Variants in SH3TC1 observed in about 807,000 individuals in gnomAD.
SH3TC1 encodes SH3 domain and tetratricopeptide repeats 1.
In SH3TC1, 135 loss-of-function variants were observed where a neutral mutation model predicts 117.3. The observed-to-expected ratio is 1.15, with a 90% CI of 1.00 to 1.33. The LOEUF (loss-of-function observed/expected upper bound fraction) is 1.33, where lower values mean the gene tolerates loss of function less well. Among genes scored for constraint, SH3TC1 ranks in the 40% most tolerant of loss-of-function variants. The probability of loss-of-function intolerance (pLI) is 0.00; values close to 1 mark genes in which losing one functional copy is unlikely to be tolerated. For missense variants in SH3TC1, 2,092 were observed against 1,794.3 expected (o/e 1.17, Z -3.00); for synonymous variants, 898 against 816.9 (o/e 1.10, Z -1.69).
rs527421819 is a variant in SH3TC1, at chr4:8,237,800, C to T, written c.3753+130C>T. On this transcript the variant is annotated intron_variant, in intron 17 of 17. Transcript: ENST00000245105. The stretch of plus-strand genomic sequence containing the variant: ...AGTGGCCTCCCTGGAGCGCTGCGCC[C>T]GGCTGGAGGAGCTGGCAAGGTTAGC... The T allele has an allele frequency of 8.0e-5, 82 of 1,023,540 alleles. No individual in the cohort carries two copies. The East Asian group carries it at 2.1e-3, about 27-fold the overall frequency. The allele number at this position is 1,023,540 out of a possible 1,614,324, so 63.4% of individuals were successfully genotyped here. A position where few individuals can be genotyped will look rare whatever the true frequency, so the allele number is the denominator to read the frequency against.
chr4:8,196,855 C>A (rs1717569667), upstream of SH3TC1, among the ~76,000 whole-genome samples: 1 of 152,058 alleles, frequency 6.6e-6, no homozygotes, highest in Non-Finnish European at 1.5e-5. This position sits in a 1 kb window ranked among gnomAD's most constrained non-coding sequence, Gnocchi z 4.6. Flanking sequence ...AAGGAGGGGG[C>A]TGAGAGGACA....
At chr4:8,218,135 TGC>T in intron 7 of SH3TC1, 134 bp from the exon 8 acceptor site, 2 of 581,400 alleles carry the variant, frequency 3.4e-6, no homozygotes, top group Admixed American at 5.5e-5. Flanking sequence ...TGTGTGTGTG[TGC>T]ACGTGTGTGT....
In SH3TC1 at chr4:8,218,350, A is replaced by C; in HGVS notation, c.916+3A>C. 1 of 1,606,804 alleles carries C rather than the reference A, an allele frequency of 6.2e-7. No individual in the cohort carries two copies. Among genetic ancestry groups the C allele is most frequent in the Non-Finnish European group, 8.5e-7 (1 of 1,174,474 alleles). Reference sequence around the variant, plus strand: ...GATGCCCGGCAACCCGCTGATGGGTAAGTGTTTCCATGGGCCTCTCTTTTT... The same window carrying C: ...GATGCCCGGCAACCCGCTGATGGGTCAGTGTTTCCATGGGCCTCTCTTTTT... On this transcript the variant is annotated splice_donor_region_variant and intron_variant, in intron 8 of 17. Coordinates refer to ENST00000245105, the MANE Select transcript of SH3TC1 (RefSeq NM_018986.5).
intron 1 of SH3TC1, among the ~76,000 whole-genome samples, chr4:8,201,949 A>C (rs1425697942): frequency 1.3e-5 from 2 of 152,144 alleles, no homozygotes; most frequent in Non-Finnish European, 2.9e-5. Context: ...CCAGCTTCTG[A>C]GGGACAAAAA....
chr4:8,228,770 C>T (rs2152992810), intron 12 of SH3TC1, 126 bp downstream of exon 12: 3 of 821,014 alleles, frequency 3.7e-6, no homozygotes, highest in South Asian at 4.0e-5. Context: ...TGGCAAACAG[C>T]AGATGTTGGC....
chr4:8,208,607 C>T (rs1054825580), intron 2 of SH3TC1, among the ~76,000 whole-genome samples: 2 of 152,172 alleles, frequency 1.3e-5, no homozygotes, highest in Non-Finnish European at 2.9e-5. Flanking sequence ...CCTGTCTGAG[C>T]CTCCTAAAGT....
chr4:8,211,548 C>G (rs141118234), intron 3 of SH3TC1, among the ~76,000 whole-genome samples: 1 of 145,726 alleles, frequency 6.9e-6, no homozygotes, highest in African/African-American at 2.6e-5. Flanking sequence ...CTCTTCCCCT[C>G]TCCCCACCTT....
intron 9 of SH3TC1, among the ~76,000 whole-genome samples, chr4:8,221,481 T>A (rs1578702101): frequency 6.6e-6 from 1 of 152,286 alleles, no homozygotes; most frequent in East Asian, 1.9e-4. Context: ...TTGACACAAT[T>A]TCAGACTTAG....
At position 8,235,530 on chromosome 4, in the gene SH3TC1, G is replaced by T; in HGVS notation, c.3380G>T (p.Arg1127Leu). 2 of 1,604,554 alleles carry T rather than the reference G, an allele frequency of 1.2e-6. No homozygotes were observed. The highest frequency in any genetic ancestry group is 1.7e-6 in the Non-Finnish European group (2 of 1,175,036). The change falls in exon 15 of 18, where the codon CGG (arginine) becomes CTG (leucine). Residue 1127 changes from arginine (R) to leucine (L), a missense_variant. Arg to Leu is a moderately radical substitution (Grantham distance 102, BLOSUM62 -2). Coordinates refer to ENST00000245105, the MANE Select transcript of SH3TC1 (RefSeq NM_018986.5). ...ATCTTCTTCGACGGGGCCTGGGAGCGGGAGAAAGCTGTGTCCTTCTACCGG... is the reference window on the plus strand; with the variant it reads ...ATCTTCTTCGACGGGGCCTGGGAGCTGGAGAAAGCTGTGTCCTTCTACCGG... ...GDIFFDGAWE[R>L]EKAVSFYRDR... is the part of the protein sequence containing the mutation.
intron 13 of SH3TC1, 180 bp from the exon 14 acceptor site, chr4:8,233,183 T>C: frequency 7.1e-7 from 1 of 1,398,966 alleles, no homozygotes; most frequent in Admixed American, 3.2e-5. Flanking sequence ...CTTCGTCTTT[T>C]CCTTGCCGTG....
At chr4:8,193,334 C>T (rs1717471551) in intron 1 of SH3TC1, among the ~76,000 whole-genome samples, 1 of 152,234 alleles carries the variant, frequency 6.6e-6, no homozygotes, top group Non-Finnish European at 1.5e-5. Context: ...AGATTAACCC[C>T]TTGGGGTGCA....
rs200788841 is a variant in SH3TC1 at position 8,205,551 on chromosome 4, G to A, written c.172+185G>A. Reference sequence around the variant, plus strand: ...GTGTTTAACAGGAGCCACTGTGCCCGCTGAGTCACTTGAGAGGCCAGGGCC... The same window carrying A: ...GTGTTTAACAGGAGCCACTGTGCCCACTGAGTCACTTGAGAGGCCAGGGCC... On this transcript the variant is annotated intron_variant, in intron 2 of 17. Coordinates refer to ENST00000245105, the MANE Select transcript of SH3TC1 (RefSeq NM_018986.5). The surrounding 1 kb of genome is among the most constrained non-coding windows in gnomAD (Gnocchi z 5.4). 1.2e-3 allele frequency: 1,077 copies of A among 886,274 alleles called. 4 individuals are homozygous for A. The highest frequency in any genetic ancestry group is 2.5e-3 in the East Asian group (104 of 41,726). The allele number at this position is 886,274 out of a possible 1,614,324, so 54.9% of individuals were successfully genotyped here.
At position 8,183,428 on chromosome 4, in the gene SH3TC1, G is replaced by C. The variant is rs1318655717; in HGVS notation, c.-57+1218G>C. Among the ~76,000 whole-genome samples the C allele has an allele frequency of 2.6e-5, 4 of 152,180 alleles. No individual in the cohort carries two copies. Among genetic ancestry groups the C allele is most frequent in the Admixed American group, 6.5e-5 (1 of 15,284 alleles). On this transcript the variant is annotated intron_variant, in intron 1 of 16. Transcript: ENST00000508641. This position sits in a 1 kb window ranked among gnomAD's most constrained non-coding sequence, Gnocchi z 5.4. ...TGATTAACTCACTCCCTGTACAGTA[G>C]AGGGAGGCGTGGCCCAGGGAGGCTC...
rs150556067 is a variant in SH3TC1 at position 8,233,433 on chromosome 4, A to G, written c.3202A>G (p.Lys1068Glu). The change falls in exon 14 of 18, where the codon AAG becomes GAG. Residue 1068 changes from lysine to glutamate, a missense_variant. Physicochemically the swap from Lys to Glu is moderately conservative, Grantham distance 56. Coordinates refer to ENST00000245105, the MANE Select transcript of SH3TC1 (RefSeq NM_018986.5). Reference sequence around the variant, plus strand: ...TTTCATTGACCTCCAGAAGAAAGAGAAGGAGGCGCATGCCTGGCTGCAAGC... The same window carrying G: ...TTTCATTGACCTCCAGAAGAAAGAGGAGGAGGCGCATGCCTGGCTGCAAGC... ...GIFIDLQKKE[K>E]EAHAWLQAGK... 55 of 1,613,816 alleles carry G rather than the reference A, an allele frequency of 3.4e-5. No homozygotes were observed. In the African/African-American group the frequency reaches 5.3e-4, roughly 16 times the overall value.
Position 8,227,742 on chromosome 4 carries a change from A to T in SH3TC1, c.2048A>T (p.Glu683Val). 1 of 1,605,410 alleles carries T rather than the reference A, an allele frequency of 6.2e-7. No individual in the cohort carries two copies. The highest frequency in any genetic ancestry group is 8.5e-7 in the Non-Finnish European group (1 of 1,174,934). Residue 683 changes from glutamate to valine, a missense_variant, in exon 12 of 18, where the codon GAG becomes GTG. Coordinates refer to ENST00000245105, the MANE Select transcript of SH3TC1 (RefSeq NM_018986.5). ...RHHVHLKQPE[E>V]ALPFLERLLL... The stretch of plus-strand genomic sequence containing the variant: ...CACGTGCACCTCAAGCAGCCCGAGG[A>T]GGCCCTGCCCTTCCTAGAGCGGCTG...
At chr4:8,217,286 C>A in intron 7 of SH3TC1, 119 bp downstream of exon 7, 2 of 1,243,432 alleles carry the variant, frequency 1.6e-6, no homozygotes, top group Non-Finnish European at 2.3e-6. Flanking sequence ...CAGACCTGGC[C>A]ATGGCCTTGT....
In SH3TC1 at chr4:8,208,241, G is replaced by A. The variant is rs1270350861; in HGVS notation, c.173-1507G>A. On this transcript the variant is annotated intron_variant, in intron 2 of 17. Coordinates refer to ENST00000245105, the MANE Select transcript of SH3TC1 (RefSeq NM_018986.5). The stretch of plus-strand genomic sequence containing the variant: ...TGCTGGATTCTTTAGCTCAAAATCC[G>A]AGCACACGTTCTTCTTAGCCCATGG... 2.0e-5 allele frequency among the ~76,000 whole-genome samples: 3 copies of A among 152,350 alleles called. No individual in the cohort carries two copies. The East Asian group carries it at 5.8e-4, about 29-fold the overall frequency.
chr4:8,238,622 C>A (rs1305707555), intron 17 of SH3TC1, among the ~76,000 whole-genome samples: 1 of 152,182 alleles, frequency 6.6e-6, no homozygotes, highest in African/African-American at 2.4e-5. Context: ...CCGCCCGGTG[C>A]TGGGGACACC....
At chr4:8,224,044 T>C (rs1390774769) in intron 10 of SH3TC1, among the ~76,000 whole-genome samples, 2 of 62,628 alleles carry the variant, frequency 3.2e-5, no homozygotes, top group Non-Finnish European at 6.1e-5. Flanking sequence ...CTCACAAGTA[T>C]ACACACACAC....
Sources: allele counts gnomAD v4.1 joint callset (sites outside exome capture counted in the v4.1 genomes callset), GRCh38; gene constraint gnomAD v4.1.1; non-coding constraint Gnocchi (gnomAD v3.1); transcripts MANE v1.5; gene names NCBI Gene and HGNC (gene_info 2026-07-23, HGNC 2026-07-21).